Variants in ST18 observed in about 807,000 individuals in gnomAD.
The protein encoded by ST18 is ST18 C2H2C-type zinc finger transcription factor.
A neutral mutation model predicts 110.0 loss-of-function variants in ST18; 50 were observed. The ratio of observed to expected loss-of-function variants is 0.45; its 90% CI spans 0.36 to 0.58. The LOEUF (loss-of-function observed/expected upper bound fraction) is 0.58, where lower values mean the gene tolerates loss of function less well. ST18 is among the 20% of genes least tolerant of loss of function. The pLI is 0.00. For missense variants in ST18, 1,306 were observed against 1,280.1 expected, an observed-to-expected ratio of 1.02 and a Z score of -0.31; for synonymous variants, 461 against 452.4, an observed-to-expected ratio of 1.02 and a Z score of -0.24.
At chr8:52,201,944 T>C (rs1000445297) in intron 8 of ST18, among the ~76,000 whole-genome samples, 3 of 152,164 alleles carry the variant, frequency 2.0e-5, no homozygotes, top group Non-Finnish European at 4.4e-5. Context: ...AATATACTTA[T>C]AAAGGAAGAC....
intron 2 of ST18, among the ~76,000 whole-genome samples, chr8:52,372,389 T>C (rs1830588052): frequency 1.3e-5 from 2 of 152,224 alleles, no homozygotes; most frequent in African/African-American, 4.8e-5. Context: ...AAAGTTACAG[T>C]ACACTACGGT....
chr8:52,376,192 A>T, intron 2 of ST18, among the ~76,000 whole-genome samples: 1 of 152,306 alleles, frequency 6.6e-6, no homozygotes, highest in East Asian at 1.9e-4. Context: ...GTTTCCCCAC[A>T]CTACTCAGAG....
At chr8:52,373,052 C>G (rs1428366471) in intron 2 of ST18, among the ~76,000 whole-genome samples, 2 of 152,202 alleles carry the variant, frequency 1.3e-5, no homozygotes, top group Admixed American at 6.5e-5. Flanking sequence ...TGCAGAGGAG[C>G]CTCAGTTATG....
chr8:52,221,143 C>A (rs2086584585), intron 4 of ST18, among the ~76,000 whole-genome samples: 1 of 151,032 alleles, frequency 6.6e-6, no homozygotes, highest in Non-Finnish European at 1.5e-5. Flanking sequence ...ATCTACCTAC[C>A]ACTCTATTAC....
intron 10 of ST18, among the ~76,000 whole-genome samples, chr8:52,169,870 G>T (rs2064213016): frequency 6.6e-6 from 1 of 152,108 alleles, no homozygotes; most frequent in South Asian, 2.1e-4. Flanking sequence ...ATATACCGCT[G>T]AGTCATCCAG....
intron 2 of ST18, among the ~76,000 whole-genome samples, chr8:52,283,970 T>C (rs571422529): frequency 1.4e-4 from 21 of 152,302 alleles, no homozygotes; most frequent in South Asian, 6.2e-4. Flanking sequence ...GTGATGACCA[T>C]GTGGAATTGG....
intron 8 of ST18, among the ~76,000 whole-genome samples, chr8:52,198,739 G>A (rs2076982480): frequency 6.6e-6 from 1 of 152,216 alleles, no homozygotes; most frequent in South Asian, 2.1e-4. Context: ...TGTTTCCGCA[G>A]CCAAGTGTCC....
chr8:52,238,345 T>G (rs1253093472), intron 2 of ST18, among the ~76,000 whole-genome samples: 1 of 151,996 alleles, frequency 6.6e-6, no homozygotes, highest in Non-Finnish European at 1.5e-5. Flanking sequence ...AAAAAAAAGG[T>G]AGTATATCCA....
chr8:52,409,874 C>G (rs1845827330), upstream of ST18: 1 of 152,292 alleles, frequency 6.6e-6, no homozygotes, highest in Non-Finnish European at 1.5e-5. Flanking sequence ...AGTGAGCGAA[C>G]AAGCGGGCTC....
chr8:52,381,074 T>C (rs920668140), intron 2 of ST18, among the ~76,000 whole-genome samples: 2 of 152,164 alleles, frequency 1.3e-5, no homozygotes, highest in Non-Finnish European at 2.9e-5. Context: ...GATGAAGTAA[T>C]GTGGAACTCA....
At chr8:52,360,913 G>C (rs1825436625) in intron 2 of ST18, among the ~76,000 whole-genome samples, 1 of 152,130 alleles carries the variant, frequency 6.6e-6, no homozygotes, top group Non-Finnish European at 1.5e-5. Context: ...TCTAAACTTA[G>C]AGCACACAAA....
intron 2 of ST18, among the ~76,000 whole-genome samples, chr8:52,295,760 T>C (rs1019574169): frequency 6.6e-6 from 1 of 150,952 alleles, no homozygotes; most frequent in African/African-American, 2.4e-5. Flanking sequence ...AACAATGTGT[T>C]AGCATATCAG....
Position 52,409,658 on chromosome 8 carries a change from C to A in ST18, c.-700G>T, listed in dbSNP as rs1845752323. ...CCGAGATGTAAAACACCCACAGTTACCTCAATTATTTTTCTCTCCTTACCT... is the reference window on the plus strand; with the variant it reads ...CCGAGATGTAAAACACCCACAGTTAACTCAATTATTTTTCTCTCCTTACCT... On this transcript the variant is annotated 5_prime_UTR_variant, in exon 1 of 26. Coordinates refer to ENST00000689386, the MANE Select transcript of ST18 (RefSeq NM_001352837.2). 1 of 152,316 alleles carries A rather than the reference C, an allele frequency of 6.6e-6. No homozygotes were observed. Among genetic ancestry groups the A allele is most frequent in the East Asian group, 1.9e-4 (1 of 5,178 alleles). 9.4% of individuals were successfully genotyped at this position (152,316 alleles called of 1,614,324 possible).
At chr8:52,220,233 T>C (rs1229209811) in intron 5 of ST18, among the ~76,000 whole-genome samples, 1 of 152,262 alleles carries the variant, frequency 6.6e-6, no homozygotes, top group Non-Finnish European at 1.5e-5. Flanking sequence ...ATGTCAATGT[T>C]AGAAATCAAG....
chr8:52,342,871 G>T (rs2140221984), intron 2 of ST18, among the ~76,000 whole-genome samples: 1 of 152,224 alleles, frequency 6.6e-6, no homozygotes, highest in Middle Eastern at 3.4e-3. Flanking sequence ...ATTACACAAG[G>T]CAATAATCTT....
intron 8 of ST18, among the ~76,000 whole-genome samples, chr8:52,196,171 G>A (rs926488785): frequency 3.3e-5 from 5 of 152,180 alleles, no homozygotes; most frequent in Non-Finnish European, 5.9e-5. Context: ...ATTGGGAGGT[G>A]CCCTTGTCTC....
chr8:52,328,760 A>T (rs964264747), intron 2 of ST18, among the ~76,000 whole-genome samples: 1 of 152,196 alleles, frequency 6.6e-6, no homozygotes, highest in Non-Finnish European at 1.5e-5. Context: ...GATAATTTAC[A>T]GTTTAATTTT....
chr8:52,374,690 AC>A (rs1413150475), intron 2 of ST18, among the ~76,000 whole-genome samples: 14 of 150,376 alleles, frequency 9.3e-5, no homozygotes, highest in Non-Finnish European at 1.8e-4. Flanking sequence ...ACTCCCCCAT[AC>A]CCCCCTGACA....
At chr8:52,150,557 C>CTTTGT (rs1229133594) in intron 15 of ST18, among the ~76,000 whole-genome samples, 6 of 152,138 alleles carry the variant, frequency 3.9e-5, no homozygotes, top group African/African-American at 1.4e-4. Flanking sequence ...GCCGGAAATG[C>CTTTGT]TTTGCTAAAT....
Sources: allele counts gnomAD v4.1 joint callset (sites outside exome capture counted in the v4.1 genomes callset), GRCh38; gene constraint gnomAD v4.1.1; transcripts MANE v1.5; gene names NCBI Gene and HGNC (gene_info 2026-07-23, HGNC 2026-07-21).